Variants in EYS observed in about 807,000 individuals in gnomAD.
EYS encodes the protein protein eyes shut homolog.
EYS carries 250 observed loss-of-function variants against 282.1 expected under a neutral mutation model. That is an observed-to-expected ratio of 0.89 (90% confidence interval 0.80 to 0.98). The LOEUF is 0.98. EYS is among the 50% of genes least tolerant of loss of function. The probability of loss-of-function intolerance (pLI) is 0.00; values close to 1 mark genes in which losing one functional copy is unlikely to be tolerated. For missense variants in EYS, 4,016 were observed against 3,709.0 expected (o/e 1.08, Z -2.15); for synonymous variants, 1,355 against 1,282.9 (o/e 1.06, Z -1.20).
In EYS at chr6:65,604,845, T is replaced by TCC. The variant is rs1562283139; in HGVS notation, c.-333+34932_-333+34933insGG. ...AGACCTTTAAATTCACTGCCCCCTT[T>TCC]TTTTTTTTTTTTTTTTGAGACAGGG... On this transcript the variant is annotated intron_variant, in intron 2 of 42. Coordinates refer to ENST00000503581, the MANE Select transcript of EYS (RefSeq NM_001142800.2). Among the ~76,000 whole-genome samples, 169 of 65,952 alleles carry TCC rather than the reference T, an allele frequency of 2.6e-3. 3 individuals are homozygous for TCC. Among genetic ancestry groups the TCC allele is most frequent in the Middle Eastern group, 0.011 (1 of 92 alleles). The allele number at this position is 65,952 out of a possible 152,430, so 43.3% of individuals were successfully genotyped here.
intron 31 of EYS, among the ~76,000 whole-genome samples, chr6:64,144,143 C>T (rs1774435823): frequency 6.6e-6 from 1 of 152,178 alleles, no homozygotes; most frequent in South Asian, 2.1e-4. Flanking sequence ...GCAGCTTTGA[C>T]TGCATCTGTC....
At chr6:63,818,863 TC>T (rs1771248563) in intron 36 of EYS, among the ~76,000 whole-genome samples, 1 of 152,216 alleles carries the variant, frequency 6.6e-6, no homozygotes, top group African/African-American at 2.4e-5. Flanking sequence ...GGCAGTCTTC[TC>T]CCATTTGAAG....
At chr6:65,010,598 A>G (rs1771835844) in intron 13 of EYS, among the ~76,000 whole-genome samples, 3 of 152,190 alleles carry the variant, frequency 2.0e-5, no homozygotes, top group Admixed American at 6.5e-5. Flanking sequence ...CTTTGTAGAA[A>G]AAGGACTTTG....
intron 13 of EYS, among the ~76,000 whole-genome samples, chr6:65,023,579 G>T (rs1378818648): frequency 2.0e-5 from 3 of 152,194 alleles, no homozygotes; most frequent in African/African-American, 4.8e-5. Flanking sequence ...AAAATTCATA[G>T]TTCCCACAAT....
intron 30 of EYS, among the ~76,000 whole-genome samples, chr6:64,271,997 G>T (rs565402125): frequency 6.6e-6 from 1 of 152,168 alleles, no homozygotes; most frequent in Non-Finnish European, 1.5e-5. Flanking sequence ...GCGCCATCAT[G>T]CCTGGATAAT....
At chr6:64,357,296 TAAC>T (rs1242289414) in intron 29 of EYS, among the ~76,000 whole-genome samples, 4 of 147,622 alleles carry the variant, frequency 2.7e-5, no homozygotes, top group South Asian at 2.2e-4. Context: ...AAGTAAACAA[TAAC>T]AACAACTGTG....
At chr6:64,186,776 C>A (rs777492099) in intron 31 of EYS, among the ~76,000 whole-genome samples, 1 of 152,100 alleles carries the variant, frequency 6.6e-6, no homozygotes, top group Non-Finnish European at 1.5e-5. Flanking sequence ...AAAAAGGACT[C>A]TTTCAGTTCA....
intron 31 of EYS, among the ~76,000 whole-genome samples, chr6:64,117,172 A>C (rs926697886): frequency 6.6e-6 from 1 of 152,008 alleles, no homozygotes; most frequent in Non-Finnish European, 1.5e-5. Context: ...TTTAGGCTAC[A>C]AAAAAAGTCT....
intron 12 of EYS, among the ~76,000 whole-genome samples, chr6:65,258,441 G>C (rs1045409441): frequency 6.6e-6 from 1 of 151,906 alleles, no homozygotes; most frequent in Non-Finnish European, 1.5e-5. Context: ...GATTATTGAC[G>C]TATTTAACAT....
At chr6:63,828,770 C>G (rs1337516139) in intron 36 of EYS, among the ~76,000 whole-genome samples, 1 of 152,282 alleles carries the variant, frequency 6.6e-6, no homozygotes, top group Non-Finnish European at 1.5e-5. Flanking sequence ...CCACTATACT[C>G]CTGCAAGAAT....
At chr6:64,703,079 T>C (rs1770844909) in intron 22 of EYS, among the ~76,000 whole-genome samples, 1 of 151,760 alleles carries the variant, frequency 6.6e-6, no homozygotes, top group Non-Finnish European at 1.5e-5. Flanking sequence ...AAGCTAAGAG[T>C]AAACTCATAA....
chr6:64,615,998 A>T (rs1252694270), intron 24 of EYS, among the ~76,000 whole-genome samples: 2 of 152,136 alleles, frequency 1.3e-5, no homozygotes, highest in South Asian at 2.1e-4. Flanking sequence ...TCAAATATTA[A>T]TAGATTCATA....
chr6:64,507,291 T>C (rs1366668448), intron 26 of EYS, among the ~76,000 whole-genome samples: 2 of 152,068 alleles, frequency 1.3e-5, no homozygotes, highest in Non-Finnish European at 2.9e-5. Flanking sequence ...CAGCAAACTA[T>C]TGCAAGGATA....
At chr6:65,162,850 C>T (rs909376824) in intron 12 of EYS, among the ~76,000 whole-genome samples, 2 of 150,978 alleles carry the variant, frequency 1.3e-5, no homozygotes, top group Non-Finnish European at 1.5e-5. Flanking sequence ...TCATCCTTGG[C>T]CTATCCAGTG....
intron 33 of EYS, among the ~76,000 whole-genome samples, chr6:64,015,716 A>G (rs1438726134): frequency 6.6e-6 from 1 of 152,198 alleles, no homozygotes; most frequent in Non-Finnish European, 1.5e-5. Flanking sequence ...GAGGGTAAGA[A>G]GGAAAGACAT....
intron 36 of EYS, among the ~76,000 whole-genome samples, chr6:63,809,772 A>G (rs1407855547): frequency 6.6e-6 from 1 of 152,192 alleles, no homozygotes; most frequent in Non-Finnish European, 1.5e-5. Context: ...TATAGGCTCA[A>G]TGTATAATCT....
intron 12 of EYS, among the ~76,000 whole-genome samples, chr6:65,243,419 G>T (rs1366105584): frequency 6.6e-6 from 1 of 152,112 alleles, no homozygotes; most frequent in Admixed American, 6.5e-5. Flanking sequence ...GGAGTTGGGG[G>T]GTGAAGGAAC....
At chr6:63,796,843 T>C (rs1770656678) in intron 37 of EYS, among the ~76,000 whole-genome samples, 1 of 152,202 alleles carries the variant, frequency 6.6e-6, no homozygotes, top group African/African-American at 2.4e-5. Flanking sequence ...TCCAAATGGA[T>C]TAAGAAATTC....
intron 12 of EYS, among the ~76,000 whole-genome samples, chr6:65,237,663 C>A (rs1056394684): frequency 6.6e-6 from 1 of 152,108 alleles, no homozygotes; most frequent in Non-Finnish European, 1.5e-5. Flanking sequence ...GTCTGTTCCT[C>A]ATTTACGATT....
Sources: gnomAD v4.1 joint callset for allele counts (sites outside exome capture counted in the v4.1 genomes callset) on GRCh38, gnomAD v4.1.1 for gene constraint, MANE v1.5 for transcripts, NCBI Gene and HGNC (gene_info 2026-07-23, HGNC 2026-07-21) for gene names.